The following EPCIP variants were observed in gnomAD, a reference collection of about 807,000 sequenced individuals.
EPCIP encodes exosomal polycystin-1-interacting protein.
the EPCIP span, among the ~76,000 whole-genome samples, chr21:32,803,774 T>G: frequency 6.6e-6 from 1 of 152,332 alleles, no homozygotes; most frequent in South Asian, 2.1e-4. Context: ...TTATTTCTTC[T>G]TCACATTCCA....
chr21:32,809,182 CGTGTGTGT>C, the EPCIP span, among the ~76,000 whole-genome samples: 85 of 121,146 alleles, frequency 7.0e-4, no homozygotes, highest in African/African-American at 1.7e-3. Context: ...TCGAGGGGTG[CGTGTGTGT>C]GTGTGTGTGT....
At chr21:32,793,136 T>C in the EPCIP span, among the ~76,000 whole-genome samples, 12 of 152,186 alleles carry the variant, frequency 7.9e-5, no homozygotes, top group East Asian at 2.3e-3. Flanking sequence ...TTTGTATTTT[T>C]AGTAGAGATG....
At chr21:32,793,014 C>T in the EPCIP span, among the ~76,000 whole-genome samples, 1 of 151,726 alleles carries the variant, frequency 6.6e-6, no homozygotes, top group Non-Finnish European at 1.5e-5. Context: ...GTGTAGAGTG[C>T]AGTGGCACGA....
the EPCIP span, among the ~76,000 whole-genome samples, chr21:32,801,547 G>T: frequency 6.6e-6 from 1 of 152,188 alleles, no homozygotes; most frequent in Non-Finnish European, 1.5e-5. Context: ...AGTTCTTAAA[G>T]ATGCAGATGG....
At chr21:32,794,157 CA>C in the EPCIP span, 4 of 1,614,140 alleles carry the variant, frequency 2.5e-6, no homozygotes, top group African/African-American at 1.3e-5. Context: ...TGGCCCAGCG[CA>C]GATGTGTCCG....
At chr21:32,804,217 A>G in the EPCIP span, among the ~76,000 whole-genome samples, 2 of 151,672 alleles carry the variant, frequency 1.3e-5, no homozygotes, top group Admixed American at 1.3e-4. Flanking sequence ...TTCTCTTGAC[A>G]GGGCACAGGA....
chr21:32,794,551 C>A, the EPCIP span: 2 of 876,182 alleles, frequency 2.3e-6, no homozygotes, highest in East Asian at 2.7e-5. Flanking sequence ...GGAAAAGGAA[C>A]CCCAGAAAAA....
the EPCIP span, among the ~76,000 whole-genome samples, chr21:32,807,970 G>T: frequency 6.6e-6 from 1 of 152,196 alleles, no homozygotes. Context: ...AATGGAGACC[G>T]TGAGTCCCAA....
the EPCIP span, chr21:32,796,810 T>C: frequency 1.2e-5 from 4 of 347,678 alleles, no homozygotes; most frequent in African/African-American, 6.5e-5. Flanking sequence ...GTAACCCTGT[T>C]ATCCCAGAAC....
the EPCIP span, chr21:32,794,214 C>T: frequency 8.4e-5 from 136 of 1,614,144 alleles, no homozygotes; most frequent in Non-Finnish European, 1.0e-4. Flanking sequence ...CGCTCTACTG[C>T]AAGGGGCAGG....
At chr21:32,796,260 A>G in the EPCIP span, among the ~76,000 whole-genome samples, 1 of 152,174 alleles carries the variant, frequency 6.6e-6, no homozygotes, top group Non-Finnish European at 1.5e-5. Flanking sequence ...AGGCTATAGC[A>G]GTGGGGAGGA....
At chr21:32,812,763 C>A in the EPCIP span, among the ~76,000 whole-genome samples, 1 of 151,938 alleles carries the variant, frequency 6.6e-6, no homozygotes, top group Non-Finnish European at 1.5e-5. Flanking sequence ...CATTTCCTGT[C>A]CTCAGTATAC....
At chr21:32,810,523 A>C in the EPCIP span, 1 of 460,362 alleles carries the variant, frequency 2.2e-6, no homozygotes, top group Non-Finnish European at 4.4e-6. Context: ...GGCCTCCCAA[A>C]CTGCTGGGAT....
the EPCIP span, among the ~76,000 whole-genome samples, chr21:32,808,264 G>T: frequency 6.6e-6 from 1 of 150,774 alleles, no homozygotes; most frequent in Non-Finnish European, 1.5e-5. Flanking sequence ...AGGAAAATGA[G>T]TCAGACACTA....
chr21:32,803,244 G>A, the EPCIP span, among the ~76,000 whole-genome samples: 1 of 152,148 alleles, frequency 6.6e-6, no homozygotes. Flanking sequence ...GGCCTTAATC[G>A]GAATTTAAAC....
chr21:32,796,789 T>G, the EPCIP span: 1 of 339,076 alleles, frequency 2.9e-6, no homozygotes, highest in South Asian at 2.4e-5. Context: ...CCTCTGGGAC[T>G]TCGTGTCCCA....
the EPCIP span, among the ~76,000 whole-genome samples, chr21:32,796,750 C>T: frequency 6.6e-6 from 1 of 152,142 alleles, no homozygotes; most frequent in Non-Finnish European, 1.5e-5. Flanking sequence ...TAATTTTAGA[C>T]AATCAGCTGT....
the EPCIP span, chr21:32,798,469 A>G: frequency 4.4e-4 from 67 of 152,310 alleles, 1 homozygote; most frequent in Middle Eastern, 0.017. Flanking sequence ...CCTAACCCCA[A>G]TTCTTACTCC....
chr21:32,801,414 G>C, the EPCIP span, among the ~76,000 whole-genome samples: 4 of 152,204 alleles, frequency 2.6e-5, no homozygotes, highest in Non-Finnish European at 5.9e-5. Flanking sequence ...CTAAGTCATG[G>C]GGAAGCAAAA....
Sources: allele counts gnomAD v4.1 joint callset (sites outside exome capture counted in the v4.1 genomes callset), GRCh38; gene constraint gnomAD v4.1.1; transcripts MANE v1.5; gene names NCBI Gene and HGNC (gene_info 2026-07-23, HGNC 2026-07-21).